Variants in DDX4 observed in about 807,000 individuals in gnomAD.
DDX4 encodes DEAD-box helicase 4, also known as probable ATP-dependent RNA helicase DDX4.
A neutral mutation model predicts 100.0 loss-of-function variants in DDX4; 25 were observed. The ratio of observed to expected loss-of-function variants is 0.25; its 90% CI spans 0.18 to 0.35. The LOEUF (loss-of-function observed/expected upper bound fraction) is 0.35. Ranked by LOEUF, DDX4 falls within the 10% of genes least tolerant of loss-of-function variation. The pLI, the probability that DDX4 is intolerant of heterozygous loss-of-function variation, is 1.00. For synonymous variants in DDX4, 259 were observed against 275.7 expected (o/e 0.94, Z 0.60); for missense variants, 635 against 882.4 (o/e 0.72, Z 3.55).
intron 3 of DDX4, among the ~76,000 whole-genome samples, chr5:55,749,777 C>T (rs1759441272): frequency 6.7e-6 from 1 of 150,346 alleles, no homozygotes; most frequent in Non-Finnish European, 1.5e-5. Context: ...CCTCCCCTTC[C>T]CCAAAGGAGC....
chr5:55,775,251 C>T (rs1418622267), intron 7 of DDX4, among the ~76,000 whole-genome samples: 1 of 152,100 alleles, frequency 6.6e-6, no homozygotes, highest in Non-Finnish European at 1.5e-5. Flanking sequence ...TTTGTTTATC[C>T]ATGTGACGGA....
In DDX4 at chr5:55,783,022, C is replaced by A. The variant is rs145273029; in HGVS notation, c.625+1041C>A. ...TGCCAGGCTGGTCTCAAACTCCTGA[C>A]CTCAGGTGATCTGCCCACCTCAGCC... On this transcript the variant is annotated intron_variant, in intron 10 of 21. Transcript: ENST00000505374. Among the ~76,000 whole-genome samples, 1,050 of 152,018 alleles carry A rather than the reference C, an allele frequency of 6.9e-3. 11 individuals carry two copies. The highest frequency in any genetic ancestry group is 0.024 in the African/African-American group (984 of 41,472).
chr5:55,743,595 A>G (rs937366700), intron 2 of DDX4, among the ~76,000 whole-genome samples: 2 of 151,948 alleles, frequency 1.3e-5, no homozygotes, highest in Non-Finnish European at 2.9e-5. Flanking sequence ...ATGCCTGGCT[A>G]ATTTTTGTAT....
chr5:55,747,202 G>C (rs530103507), intron 3 of DDX4, among the ~76,000 whole-genome samples: 8 of 152,260 alleles, frequency 5.3e-5, no homozygotes, highest in Non-Finnish European at 7.3e-5. Context: ...CCAACATGGT[G>C]AAACCCCGTC....
At chr5:55,739,966 C>G (rs1053155103) in intron 2 of DDX4, among the ~76,000 whole-genome samples, 1 of 152,040 alleles carries the variant, frequency 6.6e-6, no homozygotes, top group African/African-American at 2.4e-5. Context: ...GTTTCCAACT[C>G]CTGAGTTCAG....
intron 9 of DDX4, 109 bp downstream of exon 9, chr5:55,781,255 T>G (rs1303341954): frequency 4.1e-5 from 33 of 799,936 alleles, no homozygotes. Flanking sequence ...GCTTATGATT[T>G]TCTCTGCTTT....
intron 17 of DDX4, among the ~76,000 whole-genome samples, chr5:55,796,819 CTTTCTTTTTTTTTTTTT>C (rs1742977820): frequency 4.7e-5 from 3 of 63,454 alleles, no homozygotes; most frequent in African/African-American, 1.5e-4. Flanking sequence ...TTTTTTCTTT[CTTTCTTTTTTTTTTTTT>C]TTTTTTTTTT....
intron 19 of DDX4, among the ~76,000 whole-genome samples, chr5:55,814,697 G>A (rs547407971): frequency 6.6e-6 from 1 of 152,156 alleles, no homozygotes; most frequent in Admixed American, 6.5e-5. Flanking sequence ...TCATCATGTT[G>A]GCCAGACTGG....
At chr5:55,787,050 A>G (rs1159672023) in intron 14 of DDX4, among the ~76,000 whole-genome samples, 1 of 152,182 alleles carries the variant, frequency 6.6e-6, no homozygotes, top group African/African-American at 2.4e-5. Context: ...ACAGTTATGC[A>G]TTGTGCATGA....
intron 4 of DDX4, 47 bp from the exon 5 acceptor site, chr5:55,763,128 C>T: frequency 8.2e-7 from 1 of 1,226,130 alleles, no homozygotes; most frequent in Non-Finnish European, 1.2e-6. Context: ...GATGATGACA[C>T]ACTTAATTTT....
intron 2 of DDX4, among the ~76,000 whole-genome samples, chr5:55,741,154 T>C (rs1165912760): frequency 6.6e-6 from 1 of 152,210 alleles, no homozygotes; most frequent in Non-Finnish European, 1.5e-5. Context: ...ATGAAGTGTT[T>C]AAGCAGCACA....
chr5:55,814,717 C>G (rs1482447815), intron 19 of DDX4, among the ~76,000 whole-genome samples, 184 bp from the exon 20 acceptor site: 2 of 152,180 alleles, frequency 1.3e-5, no homozygotes, highest in Non-Finnish European at 2.9e-5. Flanking sequence ...GTCTCGATCT[C>G]CTCACCTTGT....
Position 55,785,794 on chromosome 5 carries a change from C to A in DDX4, c.787C>A (p.Gln263Lys). The A allele has an allele frequency of 1.2e-6, 2 of 1,610,042 alleles. No homozygotes were observed. Among genetic ancestry groups the A allele is most frequent in the Non-Finnish European group, 1.7e-6 (2 of 1,176,330 alleles). The change falls in exon 13 of 22, where the codon CAG becomes AAG. Residue 263 changes from glutamine to lysine, a missense_variant. By Grantham distance (53) the Gln-to-Lys change is moderately conservative. Coordinates refer to ENST00000505374, the MANE Select transcript of DDX4 (RefSeq NM_024415.3). ...TGAGGACTCCATCTTTGCACATTAT[C>A]AGACAGGCATAAACTTCGACAAATA... is the stretch of plus-strand genomic sequence containing the variant. ...EDEDSIFAHY[Q>K]TGINFDKYDT...
intron 18 of DDX4, among the ~76,000 whole-genome samples, chr5:55,807,384 T>C (rs1743801670): frequency 6.6e-6 from 1 of 152,218 alleles, no homozygotes; most frequent in Admixed American, 6.5e-5. Flanking sequence ...GCTGGTTATT[T>C]TGCTCGTTAG....
At chr5:55,765,631 A>G (rs957665639) in intron 6 of DDX4, among the ~76,000 whole-genome samples, 2 of 151,952 alleles carry the variant, frequency 1.3e-5, no homozygotes, top group African/African-American at 2.4e-5. Context: ...TGTGAGACTC[A>G]GATCCTCCTC....
At chr5:55,759,415 C>T (rs1294506446) in intron 3 of DDX4, among the ~76,000 whole-genome samples, 3 of 151,518 alleles carry the variant, frequency 2.0e-5, no homozygotes, top group African/African-American at 4.9e-5. Flanking sequence ...GGATTTTAAA[C>T]AATTTTTTTC....
At chr5:55,741,201 G>A (rs1010159717) in intron 2 of DDX4, among the ~76,000 whole-genome samples, 5 of 152,072 alleles carry the variant, frequency 3.3e-5, no homozygotes, top group African/African-American at 4.8e-5. Flanking sequence ...TATTGCATTG[G>A]GTTTCTGAAA....
At chr5:55,767,045 C>T in intron 6 of DDX4, 1 of 1,467,684 alleles carries the variant, frequency 6.8e-7, no homozygotes, top group South Asian at 1.4e-5. Context: ...TTACTAATAT[C>T]AAAAATGGAG....
chr5:55,767,789 CT>C (rs1177563577), intron 6 of DDX4, 91 bp from the exon 7 acceptor site: 1 of 836,498 alleles, frequency 1.2e-6, no homozygotes, highest in Non-Finnish European at 1.8e-6. Context: ...ATTTTGTCTT[CT>C]TACTAATTTA....
Sources: gnomAD v4.1 joint callset for allele counts (sites outside exome capture counted in the v4.1 genomes callset) on GRCh38, gnomAD v4.1.1 for gene constraint, MANE v1.5 for transcripts, NCBI Gene and HGNC (gene_info 2026-07-23, HGNC 2026-07-21) for gene names.